The following CDH26 variants were observed in gnomAD, a reference collection of about 807,000 sequenced individuals.
The protein encoded by CDH26 is cadherin 26.
A neutral mutation model predicts 90.3 loss-of-function variants in CDH26; 83 were observed. The ratio of observed to expected loss-of-function variants is 0.92; its 90% CI spans 0.77 to 1.10. The LOEUF (loss-of-function observed/expected upper bound fraction) is 1.10. Among genes scored for constraint, CDH26 ranks in the 50% least tolerant of loss-of-function variants. CDH26 has a pLI of 0.00. For synonymous variants in CDH26, 397 were observed against 396.3 expected (o/e 1.00, Z -0.02); for missense variants, 1,013 against 1,037.6 (o/e 0.98, Z 0.33).
At chr20:59,971,282 G>A (rs1249721093) in intron 3 of CDH26, among the ~76,000 whole-genome samples, 1 of 152,098 alleles carries the variant, frequency 6.6e-6, no homozygotes, top group Non-Finnish European at 1.5e-5. Context: ...GGGAGTGAGT[G>A]GGTTCATATT....
In CDH26 at chr20:59,992,228, C is replaced by T; in HGVS notation, c.1284-150C>T. On this transcript the variant is annotated intron_variant, in intron 9 of 17. Coordinates refer to ENST00000348616, the MANE Select transcript of CDH26 (RefSeq NM_177980.4). This position sits in a 1 kb window ranked among gnomAD's most constrained non-coding sequence, Gnocchi z 5.0. ...TTCCATTCCTTTCGTGAATTAAACACTCTCGTAGTTTAATTGCTCTTAGAA... is the reference window on the plus strand; with the variant it reads ...TTCCATTCCTTTCGTGAATTAAACATTCTCGTAGTTTAATTGCTCTTAGAA... 1.3e-6 allele frequency: 1 copy of T among 742,402 alleles called. No individual in the cohort carries two copies. Among genetic ancestry groups the T allele is most frequent in the Admixed American group, 2.8e-5 (1 of 35,506 alleles). The allele number at this position is 742,402 out of a possible 1,614,324, so 46.0% of individuals were successfully genotyped here.
intron 9 of CDH26, among the ~76,000 whole-genome samples, chr20:59,991,443 AG>A (rs534548478): frequency 7.2e-4 from 110 of 152,266 alleles, no homozygotes; most frequent in African/African-American, 2.6e-3. Flanking sequence ...GCATTAGCTG[AG>A]GGAGCTGCCT....
intron 17 of CDH26, among the ~76,000 whole-genome samples, chr20:60,007,732 G>GT (rs113480441): frequency 2.4e-3 from 343 of 145,936 alleles, no homozygotes; most frequent in African/African-American, 5.3e-3. Context: ...GTTTCTGCTG[G>GT]TTTTTTTTTT....
chr20:60,032,802 A>T lies in CDH26; in HGVS notation c.1144-684A>T, dbSNP rs537113114. ...TCATAGGTGGGAATTGAACAATGAG[A>T]ACACATGGACACAGGAAGGGGAATA... On this transcript the variant is annotated intron_variant, in intron 8 of 8. Transcript: ENST00000370991. Among the ~76,000 whole-genome samples the T allele has an allele frequency of 3.5e-5, 5 of 141,632 alleles. No individual in the cohort carries two copies. In the Admixed American group the frequency reaches 3.8e-4, roughly 11 times the overall value. The allele number at this position is 141,632 out of a possible 152,430, so 92.9% of individuals were successfully genotyped here. A position where few individuals can be genotyped will look rare whatever the true frequency, so the allele number is the denominator to read the frequency against.
intron 7 of CDH26, 71 bp from the exon 8 acceptor site, chr20:59,987,382 C>A: frequency 1.6e-6 from 2 of 1,250,254 alleles, no homozygotes; most frequent in Admixed American, 2.5e-5. Context: ...TCTCTCCCTC[C>A]TTCCTCTCTG....
intron 4 of CDH26, among the ~76,000 whole-genome samples, chr20:59,981,593 T>A (rs1438947449): frequency 6.6e-6 from 1 of 152,144 alleles, no homozygotes; most frequent in East Asian, 1.9e-4. Context: ...TGAATCAGCC[T>A]AAAATTCTCA....
intron 8 of CDH26, among the ~76,000 whole-genome samples, chr20:60,033,217 G>T (rs1357140564): frequency 6.6e-6 from 1 of 152,154 alleles, no homozygotes; most frequent in Non-Finnish European, 1.5e-5. Context: ...GGGGAAAATA[G>T]TAACACCCCT....
rs920192696 is a variant in CDH26, at chr20:59,969,150, C to T, written c.126+127C>T. The T allele has an allele frequency of 3.5e-5, 21 of 603,916 alleles. 1 individual carries two copies. In the East Asian group the frequency reaches 4.8e-4, roughly 14 times the overall value. 37.4% of individuals were successfully genotyped at this position (603,916 alleles called of 1,614,324 possible). A position where few individuals can be genotyped will look rare whatever the true frequency, so the allele number is the denominator to read the frequency against. ...TGGTTTGCAGAAAATAAAATAGTAACTTCATGTGGCCTTTTAGAATCTTGA... is the reference window on the plus strand; with the variant it reads ...TGGTTTGCAGAAAATAAAATAGTAATTTCATGTGGCCTTTTAGAATCTTGA... On this transcript the variant is annotated intron_variant, in intron 2 of 17. Coordinates refer to ENST00000348616, the MANE Select transcript of CDH26 (RefSeq NM_177980.4).
In CDH26 at chr20:59,995,803, A is replaced by T. The variant is rs148060527; in HGVS notation, c.1667-30A>T. 31 of 1,592,018 alleles carry T rather than the reference A, an allele frequency of 1.9e-5. No individual in the cohort carries two copies. The African/African-American group carries it at 3.5e-4, about 18-fold the overall frequency. ...AGCAGATGAGCAGATGAGTGAGTCA[A>T]TGCATGCCATGTTCTTTTTCCCTTT... On this transcript the variant is annotated intron_variant, in intron 11 of 17. Transcript: ENST00000348616.
At chr20:59,995,269 G>A (rs1017820679) in intron 11 of CDH26, among the ~76,000 whole-genome samples, 6 of 152,170 alleles carry the variant, frequency 3.9e-5, no homozygotes, top group Admixed American at 2.6e-4. Flanking sequence ...TAGGGGCAAT[G>A]TGATTTACAC....
intron 16 of CDH26, among the ~76,000 whole-genome samples, chr20:60,005,217 A>G (rs1387441336): frequency 6.6e-6 from 1 of 152,226 alleles, no homozygotes; most frequent in Non-Finnish European, 1.5e-5. Flanking sequence ...AATGTGCATT[A>G]ATTGACTGTT....
intron 14 of CDH26, 104 bp downstream of exon 14, chr20:59,999,767 G>C: frequency 9.5e-7 from 1 of 1,056,844 alleles, no homozygotes; most frequent in Non-Finnish European, 1.4e-6. Flanking sequence ...CACATCCAGG[G>C]AGGTTCTTCT....
chr20:60,019,975 C>T (rs934425919), intron 7 of CDH26, among the ~76,000 whole-genome samples: 1 of 152,116 alleles, frequency 6.6e-6, no homozygotes, highest in African/African-American at 2.4e-5. Flanking sequence ...ATAATCCATG[C>T]TAGTGATGTT....
Position 60,030,107 on chromosome 20 carries a change from G to A in CDH26, c.948-1124G>A, listed in dbSNP as rs946589581. Among the ~76,000 whole-genome samples the A allele has an allele frequency of 2.0e-5, 3 of 152,248 alleles. No individual in the cohort carries two copies. Among genetic ancestry groups the A allele is most frequent in the Admixed American group, 6.5e-5 (1 of 15,296 alleles). ...GGTTTTATTGAGGTATAACTGATAT[G>A]TTAATATAAAAAAAGACATATATTG... On this transcript the variant is annotated intron_variant, in intron 7 of 8. Coordinates refer to the CDH26 transcript ENST00000370991. The surrounding 1 kb of genome is among the most constrained non-coding windows in gnomAD (Gnocchi z 4.0).
intron 4 of CDH26, among the ~76,000 whole-genome samples, chr20:59,979,161 G>C (rs899344461): frequency 6.7e-6 from 1 of 150,102 alleles, no homozygotes; most frequent in Non-Finnish European, 1.5e-5. Context: ...TATATTCATC[G>C]ATGTCATTGT....
chr20:59,987,475 G>T lies in CDH26; in HGVS notation c.860G>T (p.Gly287Val). ...QENYKVQIPEGRASQGVLRLL... is the reference protein window; with the variant it reads ...QENYKVQIPEVRASQGVLRLL... ...CAGTATAAGGTTCAGATTCCTGAAG[G>T]CCGAGCCAGCCAGGGCGTGTTGCGT... The change falls in exon 8 of 18, where the codon GGC (glycine) becomes GTC (valine). Residue 287 changes from glycine to valine, a missense_variant. Coordinates refer to ENST00000348616, the MANE Select transcript of CDH26 (RefSeq NM_177980.4). 1 of 1,612,110 alleles carries T rather than the reference G, an allele frequency of 6.2e-7. No homozygotes were observed. Among genetic ancestry groups the T allele is most frequent in the Non-Finnish European group, 8.5e-7 (1 of 1,179,198 alleles).
chr20:60,032,462 A>G (rs1468716131), intron 8 of CDH26, among the ~76,000 whole-genome samples: 2 of 152,174 alleles, frequency 1.3e-5, no homozygotes, highest in African/African-American at 4.8e-5. Context: ...CAGAAATGAA[A>G]CTCAAAACTC....
chr20:60,006,729 C>T lies in CDH26; in HGVS notation c.2237C>T (p.Thr746Ile). The change falls in exon 17 of 18, where the codon ACA becomes ATA. Residue 746 changes from threonine (T) to isoleucine (I), a missense_variant. Physicochemically the swap from Thr to Ile is moderately conservative, Grantham distance 89 (BLOSUM62 -1). Transcript: ENST00000348616. ...IHSTPAYPDA[T>I]MHRQLLAPVE... ...TGCTTGCAGGCTTACCCAGATGCCA[C>T]AATGCACAGACAACTCCTGGCTCCG... 1 of 1,613,968 alleles carries T rather than the reference C, an allele frequency of 6.2e-7. No homozygotes were observed. Among genetic ancestry groups the T allele is most frequent in the Non-Finnish European group, 8.5e-7 (1 of 1,179,874 alleles).
At chr20:60,015,234 C>T (rs886988449), downstream of CDH26, among the ~76,000 whole-genome samples, 5 of 152,192 alleles carry the variant, frequency 3.3e-5, no homozygotes, top group Admixed American at 1.3e-4. Context: ...GATCCGCCCA[C>T]CTCAGCCTAC....
Sources: gnomAD v4.1 joint callset for allele counts (sites outside exome capture counted in the v4.1 genomes callset) on GRCh38, gnomAD v4.1.1 for gene constraint, Gnocchi (gnomAD v3.1) non-coding constraint, MANE v1.5 for transcripts, NCBI Gene and HGNC (gene_info 2026-07-23, HGNC 2026-07-21) for gene names.